Variants in NXPE2 observed in about 807,000 individuals in gnomAD.
The protein encoded by NXPE2 is neurexophilin and PC-esterase domain family member 2.
NXPE2 carries 34 observed loss-of-function variants against 34.4 expected under a neutral mutation model. The observed-to-expected ratio is 0.99, with a 90% CI of 0.75 to 1.31. NXPE2 has a LOEUF of 1.31. Ranked by LOEUF, NXPE2 falls within the 40% of genes most tolerant of loss-of-function variation. NXPE2 has a pLI of 0.00. For missense variants in NXPE2, 649 were observed against 672.5 expected (o/e 0.97, Z 0.39); for synonymous variants, 235 against 231.3 (o/e 1.02, Z -0.15).
At chr11:114,491,511 A>G in the NXPE2 span, among the ~76,000 whole-genome samples, 9 of 152,246 alleles carry the variant, frequency 5.9e-5, no homozygotes, top group Middle Eastern at 3.4e-3. Context: ...AGGAAACAAC[A>G]GGTGCTGGAG....
the NXPE2 span, among the ~76,000 whole-genome samples, chr11:114,633,613 C>A: frequency 4.0e-5 from 6 of 151,280 alleles, no homozygotes; most frequent in Non-Finnish European, 4.4e-5. Context: ...TCCCTCCCAC[C>A]CTGCCCCCAG....
At chr11:114,730,741 G>C in the NXPE2 span, among the ~76,000 whole-genome samples, 2 of 152,110 alleles carry the variant, frequency 1.3e-5, no homozygotes, top group African/African-American at 4.8e-5. Context: ...TTTCTACATT[G>C]ATTTTGTATC....
the NXPE2 span, among the ~76,000 whole-genome samples, chr11:114,520,048 C>T: frequency 5.9e-5 from 9 of 152,098 alleles, no homozygotes; most frequent in Non-Finnish European, 1.0e-4. Context: ...GTGATCCTCC[C>T]GCTTAGGCCT....
chr11:114,476,929 A>G, the NXPE2 span, among the ~76,000 whole-genome samples: 23,591 of 152,138 alleles, frequency 0.16, 2,194 homozygotes, highest in African/African-American at 0.23. Context: ...CCCTAAAGCT[A>G]TTAAGTTATA....
chr11:114,530,878 C>G, the NXPE2 span: 26 of 1,612,548 alleles, frequency 1.6e-5, no homozygotes, highest in South Asian at 5.5e-5. Context: ...CAGTAATGGA[C>G]AGAGATGGAT....
At chr11:114,797,088 T>G in the NXPE2 span, among the ~76,000 whole-genome samples, 1 of 152,254 alleles carries the variant, frequency 6.6e-6, no homozygotes, top group Middle Eastern at 3.4e-3. Flanking sequence ...CATGGAAAGG[T>G]TTCCTGTAGG....
chr11:114,545,874 A>G, the NXPE2 span, among the ~76,000 whole-genome samples: 1 of 151,966 alleles, frequency 6.6e-6, no homozygotes, highest in African/African-American at 2.4e-5. Flanking sequence ...TTTTTTTAAT[A>G]GAGATGGAAT....
the NXPE2 span, among the ~76,000 whole-genome samples, chr11:114,540,115 C>G: frequency 3.3e-5 from 5 of 152,302 alleles, no homozygotes; most frequent in South Asian, 2.1e-4. Flanking sequence ...GCCATCATGC[C>G]TGACTAATTT....
chr11:114,799,902 A>C, the NXPE2 span, among the ~76,000 whole-genome samples: 17 of 143,422 alleles, frequency 1.2e-4, no homozygotes, highest in African/African-American at 4.2e-4. Flanking sequence ...CTTTCTCTTT[A>C]TCCTTCCTTC....
chr11:114,481,828 C>G, the NXPE2 span, among the ~76,000 whole-genome samples: 1 of 152,076 alleles, frequency 6.6e-6, no homozygotes, highest in African/African-American at 2.4e-5. Flanking sequence ...TTTTCATTCA[C>G]CTTTCCACTC....
chr11:114,775,438 G>T, the NXPE2 span, among the ~76,000 whole-genome samples: 1 of 152,336 alleles, frequency 6.6e-6, no homozygotes, highest in South Asian at 2.1e-4. Context: ...CAACTCATCA[G>T]CCTGTTGAGT....
At chr11:114,591,432 G>A in the NXPE2 span, among the ~76,000 whole-genome samples, 2 of 152,144 alleles carry the variant, frequency 1.3e-5, no homozygotes, top group African/African-American at 4.8e-5. Flanking sequence ...TGCATTGTAA[G>A]GGACATCAGA....
chr11:114,740,591 G>A, the NXPE2 span, among the ~76,000 whole-genome samples: 1 of 151,998 alleles, frequency 6.6e-6, no homozygotes, highest in African/African-American at 2.4e-5. Context: ...CACTAACAAT[G>A]TATAAGGGTT....
Position 114,705,956 on chromosome 11 carries a change from A to T in NXPE2, c.1104A>T (p.Thr368=). The change falls in exon 5 of 6, where the codon ACA becomes ACT. Residue 368 remains threonine, a synonymous_variant. Coordinates refer to ENST00000389586, the MANE Select transcript of NXPE2 (RefSeq NM_182495.6). ...TTATTTATCTCATGGGAGATTCAACACTGCATCAGTGGATTTACTACTTAC... is the reference window on the plus strand; with the variant it reads ...TTATTTATCTCATGGGAGATTCAACTCTGCATCAGTGGATTTACTACTTAC... ...RKLIYLMGDS[T]LHQWIYYLQK... 3 of 1,511,334 alleles carry T rather than the reference A, an allele frequency of 2.0e-6. No individual in the cohort carries two copies. The allele number at this position is 1,511,334 out of a possible 1,614,324, so 93.6% of individuals were successfully genotyped here. A position where few individuals can be genotyped will look rare whatever the true frequency, so the allele number is the denominator to read the frequency against.
At chr11:114,635,461 TCTC>T in the NXPE2 span, among the ~76,000 whole-genome samples, 1 of 151,794 alleles carries the variant, frequency 6.6e-6, no homozygotes, top group Non-Finnish European at 1.5e-5. Flanking sequence ...TTTATTTCCT[TCTC>T]CTGCGTAATT....
chr11:114,587,311 A>T, the NXPE2 span, among the ~76,000 whole-genome samples: 1 of 152,218 alleles, frequency 6.6e-6, no homozygotes, highest in Non-Finnish European at 1.5e-5. Context: ...AATGGTACTT[A>T]AATAGTAAGA....
At chr11:114,506,923 C>A in the NXPE2 span, among the ~76,000 whole-genome samples, 13 of 151,836 alleles carry the variant, frequency 8.6e-5, no homozygotes, top group Non-Finnish European at 1.9e-4. Context: ...AAAAACCCTG[C>A]AAAAGATCAA....
chr11:114,523,023 G>A, the NXPE2 span: 5 of 1,613,632 alleles, frequency 3.1e-6, no homozygotes, highest in Middle Eastern at 3.3e-4. Flanking sequence ...CATTTTCCTT[G>A]TAAAGTATAA....
At chr11:114,508,917 A>G in the NXPE2 span, among the ~76,000 whole-genome samples, 1 of 152,226 alleles carries the variant, frequency 6.6e-6, no homozygotes, top group East Asian at 1.9e-4. Context: ...TAAACTAAAT[A>G]GCACAGCAAA....
Sources: gnomAD v4.1 joint callset for allele counts (sites outside exome capture counted in the v4.1 genomes callset) on GRCh38, gnomAD v4.1.1 for gene constraint, MANE v1.5 for transcripts, NCBI Gene and HGNC (gene_info 2026-07-23, HGNC 2026-07-21) for gene names.